Variants in PLAU observed in about 807,000 individuals in gnomAD.
The protein encoded by PLAU is plasminogen activator, urokinase.
In PLAU, 32 loss-of-function variants were observed where a neutral mutation model predicts 48.9. The ratio of observed to expected loss-of-function variants is 0.65; its 90% CI spans 0.49 to 0.88. PLAU has a LOEUF of 0.88. Ranked by LOEUF, PLAU falls within the 40% of genes least tolerant of loss-of-function variation. The pLI, the probability that PLAU is intolerant of heterozygous loss-of-function variation, is 0.00. For synonymous variants in PLAU, 199 were observed against 205.7 expected (o/e 0.97, Z 0.28); for missense variants, 455 against 545.2 (o/e 0.83, Z 1.65).
chr10:73,911,467 C>A, intron 1 of PLAU, 58 bp from the exon 2 acceptor site: 2 of 1,521,574 alleles, frequency 1.3e-6, no homozygotes, highest in Non-Finnish European at 8.9e-7. Flanking sequence ...TGCAGTCGCC[C>A]GCCTGGCCTG....
rs906247337 is a variant in PLAU at position 73,915,107 on chromosome 10, C to T, written c.971-144C>T. The T allele has an allele frequency of 2.9e-6, 3 of 1,019,390 alleles. No homozygotes were observed. The African/African-American group carries it at 4.8e-5, about 16-fold the overall frequency. The allele number at this position is 1,019,390 out of a possible 1,614,324, so 63.1% of individuals were successfully genotyped here. The stretch of plus-strand genomic sequence containing the variant: ...TGCAAAGGTAAATAGATGGTAGGGG[C>T]TATAGGTGGAGTAAAGGCTCAGATT... On this transcript the variant is annotated intron_variant, in intron 9 of 10. Coordinates refer to ENST00000372764, the MANE Select transcript of PLAU (RefSeq NM_002658.6).
Position 73,913,743 on chromosome 10 carries a change from C to T in PLAU, c.665C>T (p.Ala222Val), listed in dbSNP as rs1210857757. The change falls in exon 7 of 11, where the codon GCC becomes GTC. Residue 222 changes from alanine to valine, a missense_variant. Ala to Val is a moderately conservative substitution (Grantham distance 64). Coordinates refer to ENST00000372764, the MANE Select transcript of PLAU (RefSeq NM_002658.6). Reference protein sequence around the residue: ...SLISPCWVISATHCFIDYPKK... With the variant: ...SLISPCWVISVTHCFIDYPKK... ...ATCAGCCCTTGCTGGGTGATCAGCG[C>T]CACACACTGCTTCATGTACGGCCCT... 1.3e-6 allele frequency: 2 copies of T among 1,597,716 alleles called. No homozygotes were observed. The highest frequency in any genetic ancestry group is 3.5e-5 in the Admixed American group (2 of 57,870).
At chr10:73,909,601 C>A (rs1389654226), upstream of PLAU, among the ~76,000 whole-genome samples, 1 of 152,208 alleles carries the variant, frequency 6.6e-6, no homozygotes, top group East Asian at 1.9e-4. Flanking sequence ...GAGCCTTCCT[C>A]CTTCCTACCT....
At position 73,913,583 on chromosome 10, in the gene PLAU, G is replaced by A; in HGVS notation, c.505G>A (p.Gly169Ser). The change falls in exon 7 of 11, where the codon GGC (glycine) becomes AGC (serine). Residue 169 changes from glycine (G) to serine (S), a missense_variant. By Grantham distance (56) the Gly-to-Ser change is moderately conservative. Coordinates refer to ENST00000372764, the MANE Select transcript of PLAU (RefSeq NM_002658.6). ...TCCAGAAGAATTAAAATTTCAGTGT[G>A]GCCAAAAGACTCTGAGGCCCCGCTT... Reference protein sequence around the residue: ...SPPEELKFQCGQKTLRPRFKI... With the variant: ...SPPEELKFQCSQKTLRPRFKI... The A allele has an allele frequency of 1.2e-6, 2 of 1,613,840 alleles. No homozygotes were observed. The highest frequency in any genetic ancestry group is 2.2e-5 in the South Asian group (2 of 91,058).
Position 73,913,400 on chromosome 10 carries a change from C to A in PLAU, c.460+19C>A. The A allele has an allele frequency of 6.2e-7, 1 of 1,604,036 alleles. No homozygotes were observed. The highest frequency in any genetic ancestry group is 8.5e-7 in the Non-Finnish European group (1 of 1,170,886). On this transcript the variant is annotated intron_variant, in intron 6 of 10. Transcript: ENST00000372764. ...GCAGATGGTGAGCATCACTGACCTG[C>A]TGATGACAGTGGGGTGGAAGGGGAC...
At position 73,917,005 on chromosome 10, in the gene PLAU, C is replaced by T. The variant is rs975868920; in HGVS notation, c.*440C>T. ...GGGAGCTTAGCCAATGTGGGAGCAG[C>T]GGTTTGGGGAGCAGAGACACTAACG... On this transcript the variant is annotated 3_prime_UTR_variant, in exon 11 of 11. Coordinates refer to ENST00000372764, the MANE Select transcript of PLAU (RefSeq NM_002658.6). 11 of 164,598 alleles carry T rather than the reference C, an allele frequency of 6.7e-5. No homozygotes were observed. Among genetic ancestry groups the T allele is most frequent in the Admixed American group, 1.1e-4 (2 of 17,532 alleles). 10.2% of individuals were successfully genotyped at this position (164,598 alleles called of 1,614,324 possible). A position where few individuals can be genotyped will look rare whatever the true frequency, so the allele number is the denominator to read the frequency against.
intron 4 of PLAU, 51 bp downstream of exon 4, chr10:73,912,373 A>C: frequency 2.0e-6 from 1 of 494,692 alleles, no homozygotes; most frequent in Non-Finnish European, 4.0e-6. Context: ...ACAGGGAGGG[A>C]TGGGTGGGAG....
chr10:73,913,080 G>A lies in PLAU; in HGVS notation c.350G>A (p.Gly117Glu), dbSNP rs891414473. Residue 117 changes from glycine (G) to glutamate (E), a missense_variant, in exon 5 of 11, where the codon GGG (glycine) becomes GAG (glutamate). Gly to Glu is a moderately conservative substitution (Grantham distance 98, BLOSUM62 -2). Transcript: ENST00000372764. ...HRSDALQLGL[G>E]KHNYCRNPDN... ...TCTGATGCTCTTCAGCTGGGCCTGG[G>A]GAAACATAATTACTGCAGGTGAGGT... The A allele has an allele frequency of 6.2e-7, 1 of 1,613,746 alleles. No homozygotes were observed. The highest frequency in any genetic ancestry group is 8.5e-7 in the Non-Finnish European group (1 of 1,179,900).
Position 73,915,402 on chromosome 10 carries a change from G to T in PLAU, c.1119+3G>T, listed in dbSNP as rs764162545. The T allele has an allele frequency of 6.2e-7, 1 of 1,602,070 alleles. No individual in the cohort carries two copies. Among genetic ancestry groups the T allele is most frequent in the Admixed American group, 1.7e-5 (1 of 58,460 alleles). ...AGTGGAAAACAGATTCCTGCCAGGT[G>T]AGTGTTCCAAGCATCTCTCTCCACC... On this transcript the variant is annotated splice_donor_region_variant and intron_variant, in intron 10 of 10. Transcript: ENST00000372764.
intron 8 of PLAU, 52 bp downstream of exon 8, chr10:73,914,180 G>T: frequency 1.3e-6 from 2 of 1,593,696 alleles, no homozygotes; most frequent in South Asian, 1.1e-5. Flanking sequence ...GGGAGAGTGG[G>T]ACCCAGGGAG....
chr10:73,916,267 G>T lies in PLAU; in HGVS notation c.1120-122G>T, dbSNP rs879132013. On this transcript the variant is annotated intron_variant, in intron 10 of 10. Transcript: ENST00000372764. The stretch of plus-strand genomic sequence containing the variant: ...TCCCCCCGAAAAAAAGAAAGAAAAT[G>T]GGAAGTCGCTAAGGACTTTGACTGG... 9.5e-6 allele frequency: 8 copies of T among 843,802 alleles called. No homozygotes were observed. In the African/African-American group the frequency reaches 1.0e-4, roughly 11 times the overall value. 52.3% of individuals were successfully genotyped at this position (843,802 alleles called of 1,614,324 possible).
intron 8 of PLAU, 135 bp downstream of exon 8, chr10:73,914,263 T>C (rs2096131592): frequency 2.6e-6 from 2 of 773,812 alleles, no homozygotes; most frequent in Non-Finnish European, 2.1e-6. Flanking sequence ...TCGATATACA[T>C]GACAAAGGGA....
Position 73,915,256 on chromosome 10 carries a change from TA to T in PLAU, c.977del (p.Tyr326PhefsTer7), listed in dbSNP as rs1374593686. On this transcript the variant is annotated frameshift_variant, in exon 10 of 11. Transcript: ENST00000372764. LOFTEE classifies it high-confidence loss of function. ...TGFGKENSTD[Y>X]LYPEQLKMTV... ...TCCCTGTTTTCTCCACCTAGCCGACTATCTCTATCCGGAGCAGCTGAAAATG... is the reference window on the plus strand; with the variant it reads ...TCCCTGTTTTCTCCACCTAGCCGACTTCTCTATCCGGAGCAGCTGAAAATG... The T allele has an allele frequency of 9.9e-6, 16 of 1,611,360 alleles. No individual in the cohort carries two copies. Among genetic ancestry groups the T allele is most frequent in the Non-Finnish European group, 1.4e-5 (16 of 1,179,118 alleles).
chr10:73,913,737 T>C lies in PLAU; in HGVS notation c.659T>C (p.Ile220Thr). The change falls in exon 7 of 11, where the codon ATC becomes ACC. Residue 220 changes from isoleucine to threonine, a missense_variant. By Grantham distance (89) the Ile-to-Thr change is moderately conservative. Transcript: ENST00000372764. ...AGCCTCATCAGCCCTTGCTGGGTGA[T>C]CAGCGCCACACACTGCTTCATGTAC... ...GGSLISPCWVISATHCFIDYP... is the reference protein window; with the variant it reads ...GGSLISPCWVTSATHCFIDYP... 1 of 1,606,604 alleles carries C rather than the reference T, an allele frequency of 6.2e-7. No homozygotes were observed. The highest frequency in any genetic ancestry group is 8.5e-7 in the Non-Finnish European group (1 of 1,176,094).
chr10:73,909,153 G>A, upstream of PLAU: 1 of 152,256 alleles, frequency 6.6e-6, no homozygotes, highest in East Asian at 1.9e-4. Context: ...CTTTGTCCAG[G>A]AGGAAATGAA....
chr10:73,910,532 C>T (rs2096121791), upstream of PLAU: 1 of 152,216 alleles, frequency 6.6e-6, no homozygotes, highest in Non-Finnish European at 1.5e-5. Flanking sequence ...CAAACAAACC[C>T]CCTTACTGCC....
Position 73,916,496 on chromosome 10 carries a change from C to A in PLAU, c.1227C>A (p.Tyr409Ter). 5 of 1,614,028 alleles carry A rather than the reference C, an allele frequency of 3.1e-6. No individual in the cohort carries two copies. Among genetic ancestry groups the A allele is most frequent in the Non-Finnish European group, 4.2e-6 (5 of 1,179,958 alleles). Reference sequence around the variant, plus strand: ...CCCTGAAGGACAAGCCAGGCGTCTACACGAGAGTCTCACACTTCTTACCCT... The same window carrying A: ...CCCTGAAGGACAAGCCAGGCGTCTAAACGAGAGTCTCACACTTCTTACCCT... ...GCALKDKPGV[Y>*]TRVSHFLPWI... Residue 409 changes from tyrosine (Y) to a stop codon, truncating the protein, a stop_gained, in exon 11 of 11, where the codon TAC becomes TAA. Coordinates refer to ENST00000372764, the MANE Select transcript of PLAU (RefSeq NM_002658.6). LOFTEE classifies it low-confidence loss of function (END_TRUNC).
chr10:73,913,150 C>T, intron 5 of PLAU, 52 bp downstream of exon 5: 1 of 1,592,192 alleles, frequency 6.3e-7, no homozygotes, highest in Non-Finnish European at 8.6e-7. Context: ...TTCCCAGAAA[C>T]CTTGTTACCA....
intron 8 of PLAU, 52 bp from the exon 9 acceptor site, chr10:73,914,724 G>T: frequency 6.4e-7 from 1 of 1,567,248 alleles, no homozygotes; most frequent in Non-Finnish European, 8.7e-7. Flanking sequence ...GACAGATGGG[G>T]ACCGCCTAAC....
Sources: allele counts gnomAD v4.1 joint callset (sites outside exome capture counted in the v4.1 genomes callset), GRCh38; gene constraint gnomAD v4.1.1; transcripts MANE v1.5; gene names NCBI Gene and HGNC (gene_info 2026-07-23, HGNC 2026-07-21).